Variants in NWD1 observed in about 807,000 individuals in gnomAD.
NWD1 encodes NACHT domain- and WD repeat-containing protein 1.
Under a neutral mutation model 135.1 loss-of-function variants are expected in NWD1, and 129 were observed. That is an observed-to-expected ratio of 0.96 (90% CI 0.83 to 1.11). The LOEUF is 1.11. Ranked by LOEUF, NWD1 falls within the 50% of genes least tolerant of loss-of-function variation. NWD1 has a pLI of 0.00. For synonymous variants in NWD1, 773 were observed against 786.0 expected (o/e 0.98, Z 0.28); for missense variants, 1,740 against 1,851.3 (o/e 0.94, Z 1.10).
intron 5 of NWD1, among the ~76,000 whole-genome samples, chr19:16,747,763 C>T (rs1968386080): frequency 6.6e-6 from 1 of 152,158 alleles, no homozygotes; most frequent in South Asian, 2.1e-4. Context: ...AATCTGCTTT[C>T]TGTCTCTATT....
intron 6 of NWD1, among the ~76,000 whole-genome samples, chr19:16,756,895 C>A (rs1291087980): frequency 6.6e-6 from 1 of 152,106 alleles, no homozygotes; most frequent in East Asian, 1.9e-4. Context: ...ATTAGATTCT[C>A]ATAAGAGCAC....
chr19:16,766,627 CCAGGCTAGAGTA>C (rs1484565260), intron 10 of NWD1, among the ~76,000 whole-genome samples: 3 of 152,010 alleles, frequency 2.0e-5, no homozygotes, highest in Non-Finnish European at 4.4e-5. Flanking sequence ...GCTTCATTAC[CCAGGCTAGAGTA>C]CAGTGGCATG....
At chr19:16,812,296 T>A (rs904856678) in intron 18 of NWD1, among the ~76,000 whole-genome samples, 5 of 150,974 alleles carry the variant, frequency 3.3e-5, no homozygotes, top group Non-Finnish European at 7.4e-5. Context: ...GTCAGACCTG[T>A]TAAAAAAAAA....
chr19:16,767,306 A>G (rs1969259020), intron 10 of NWD1, among the ~76,000 whole-genome samples: 1 of 149,034 alleles, frequency 6.7e-6, no homozygotes, highest in Admixed American at 6.9e-5. Flanking sequence ...AGAGAGAGGG[A>G]GCAACTGCCT....
In NWD1 at chr19:16,749,925, A is replaced by T; in HGVS notation, c.1283A>T (p.Asn428Ile). The T allele has an allele frequency of 1.9e-6, 3 of 1,613,562 alleles. No homozygotes were observed. Among genetic ancestry groups the T allele is most frequent in the Non-Finnish European group, 2.5e-6 (3 of 1,179,996 alleles). ...CTCCTCCACACTGTCTCTTGCAGAA[A>T]CTTCGAGTCTCTCGTGCTCCTGCTG... is the stretch of plus-strand genomic sequence containing the variant. ...HTLLHTVSCR[N>I]FESLVLLLDA... Residue 428 changes from asparagine to isoleucine, a missense_variant, in exon 6 of 19, where the codon AAC becomes ATC. Asn to Ile is a moderately radical substitution (Grantham distance 149, BLOSUM62 -3). Coordinates refer to ENST00000524140, the MANE Select transcript of NWD1 (RefSeq NM_001007525.5).
At chr19:16,807,170 C>CAA (rs111687474) in intron 17 of NWD1, among the ~76,000 whole-genome samples, 7 of 99,830 alleles carry the variant, frequency 7.0e-5, no homozygotes, top group South Asian at 6.5e-4. Flanking sequence ...AATACTGTCT[C>CAA]AAAAAAAAAA....
intron 17 of NWD1, 53 bp from the exon 18 acceptor site, chr19:16,807,533 G>A: frequency 7.1e-7 from 1 of 1,407,486 alleles, no homozygotes; most frequent in East Asian, 2.3e-5. Context: ...GGGAAGCAGG[G>A]CTGCTGTGAT....
Position 16,789,100 on chromosome 19 carries a change from T to G in NWD1, c.2850T>G (p.Asp950Glu). ...GCCAGGAGAAATTTACCATTTGGGA[T>G]GGAGGCTCAAAAAATCCCGCTGAAC... The part of the protein sequence containing the change: ...LSGQEKFTIW[D>E]GGSKNPAEPQ... The change falls in exon 13 of 19, where the codon GAT becomes GAG. Residue 950 changes from aspartate to glutamate, a missense_variant. Asp to Glu is a conservative substitution (Grantham distance 45). Coordinates refer to ENST00000524140, the MANE Select transcript of NWD1 (RefSeq NM_001007525.5). The G allele has an allele frequency of 6.2e-7, 1 of 1,613,944 alleles. No individual in the cohort carries two copies. Among genetic ancestry groups the G allele is most frequent in the Non-Finnish European group, 8.5e-7 (1 of 1,179,906 alleles).
chr19:16,753,900 C>G (rs1054930975), intron 6 of NWD1, among the ~76,000 whole-genome samples: 1 of 143,310 alleles, frequency 7.0e-6, no homozygotes, highest in Non-Finnish European at 1.5e-5. Flanking sequence ...CATCCATTGT[C>G]TCTATCTTCC....
intron 2 of NWD1, among the ~76,000 whole-genome samples, chr19:16,730,074 A>G (rs1393284817): frequency 6.6e-6 from 1 of 152,146 alleles, no homozygotes; most frequent in Non-Finnish European, 1.5e-5. Flanking sequence ...CTGTGATCCC[A>G]GCACTTTGGG....
intron 2 of NWD1, chr19:16,727,175 G>C (rs1010848357): frequency 1.3e-5 from 2 of 152,254 alleles, no homozygotes; most frequent in African/African-American, 4.8e-5. Flanking sequence ...GCTGGTCCCC[G>C]GGCCCCAATG....
At chr19:16,758,270 T>A (rs1968872885) in intron 6 of NWD1, among the ~76,000 whole-genome samples, 1 of 152,176 alleles carries the variant, frequency 6.6e-6, no homozygotes, top group Non-Finnish European at 1.5e-5. Context: ...TATTTATTTG[T>A]TCATGTATTT....
intron 17 of NWD1, among the ~76,000 whole-genome samples, chr19:16,800,617 G>T (rs371010210): frequency 2.6e-5 from 4 of 152,258 alleles, no homozygotes; most frequent in East Asian, 1.9e-4. Flanking sequence ...AGGCTGGGAA[G>T]TTCCAGATCA....
Position 16,794,452 on chromosome 19 carries a change from G to A in NWD1, c.3214-11G>A. The A allele has an allele frequency of 6.3e-7, 1 of 1,578,466 alleles. No homozygotes were observed. Among genetic ancestry groups the A allele is most frequent in the Non-Finnish European group, 8.7e-7 (1 of 1,148,906 alleles). On this transcript the variant is annotated splice_polypyrimidine_tract_variant and intron_variant, in intron 14 of 18. Transcript: ENST00000524140. ...TGGAAGTGCCTGACAGGCATCCCTG[G>A]TTCTGCACAGGTTTCCTCCAAAGGG...
chr19:16,798,349 C>G (rs1417564591), intron 16 of NWD1, among the ~76,000 whole-genome samples: 1 of 152,184 alleles, frequency 6.6e-6, no homozygotes, highest in Non-Finnish European at 1.5e-5. Flanking sequence ...GTGGCTCATG[C>G]CTGTAATCCC....
chr19:16,748,938 C>T (rs1481047191), intron 5 of NWD1, among the ~76,000 whole-genome samples: 1 of 152,150 alleles, frequency 6.6e-6, no homozygotes, highest in Non-Finnish European at 1.5e-5. Flanking sequence ...TCCGGGGCCC[C>T]ACTCAGATCT....
chr19:16,789,514 T>G (rs1344396010), intron 13 of NWD1, among the ~76,000 whole-genome samples: 1 of 152,188 alleles, frequency 6.6e-6, no homozygotes, highest in South Asian at 2.1e-4. Flanking sequence ...ACATTCAGTT[T>G]AAAATACTTT....
chr19:16,789,488 A>C (rs1183143326), intron 13 of NWD1, among the ~76,000 whole-genome samples: 1 of 151,974 alleles, frequency 6.6e-6, no homozygotes, highest in African/African-American at 2.4e-5. Flanking sequence ...GTAAATTTTG[A>C]CGTGTGTTTT....
chr19:16,810,063 C>T (rs1054085470), intron 18 of NWD1, among the ~76,000 whole-genome samples: 3 of 152,064 alleles, frequency 2.0e-5, no homozygotes, highest in African/African-American at 7.2e-5. Context: ...GTGTGTTTTG[C>T]TCACTGAAGT....
Sources: gnomAD v4.1 joint callset for allele counts (sites outside exome capture counted in the v4.1 genomes callset) on GRCh38, gnomAD v4.1.1 for gene constraint, MANE v1.5 for transcripts, NCBI Gene and HGNC (gene_info 2026-07-23, HGNC 2026-07-21) for gene names.